AGBL1: variants seen among roughly 807,000 people sequenced by gnomAD.
The protein encoded by AGBL1 is AGBL carboxypeptidase 1.
AGBL1 carries 130 observed loss-of-function variants against 118.9 expected under a neutral mutation model. The ratio of observed to expected loss-of-function variants is 1.09; its 90% CI spans 0.95 to 1.26. The LOEUF (loss-of-function observed/expected upper bound fraction) is 1.26. Among genes scored for constraint, AGBL1 ranks in the 50% most tolerant of loss-of-function variants. The pLI is 0.00. For missense variants in AGBL1, 1,584 were observed against 1,298.1 expected (o/e 1.22, Z -3.38); for synonymous variants, 555 against 478.9 (o/e 1.16, Z -2.08).
chr15:86,438,614 T>A (rs1189479170), intron 18 of AGBL1, among the ~76,000 whole-genome samples: 2 of 151,968 alleles, frequency 1.3e-5, no homozygotes, highest in Admixed American at 1.3e-4. Flanking sequence ...ATCCTAAAAA[T>A]TTATCTACTT....
At chr15:86,799,982 C>T (rs1011711265) in intron 22 of AGBL1, among the ~76,000 whole-genome samples, 3 of 152,132 alleles carry the variant, frequency 2.0e-5, no homozygotes, top group East Asian at 3.9e-4. Context: ...TTCTGGAACC[C>T]GGGCTTCTCA....
At chr15:86,414,051 C>A (rs543133473) in intron 18 of AGBL1, among the ~76,000 whole-genome samples, 1 of 152,130 alleles carries the variant, frequency 6.6e-6, no homozygotes, top group Non-Finnish European at 1.5e-5. Context: ...AGGCCATTAT[C>A]TTAAGTGAAA....
chr15:86,198,691 T>C (rs1426101886), intron 5 of AGBL1, among the ~76,000 whole-genome samples: 1 of 152,042 alleles, frequency 6.6e-6, no homozygotes, highest in Non-Finnish European at 1.5e-5. Context: ...TTTCTGTGTG[T>C]GTGTATGTGT....
chr15:86,470,233 C>T lies in AGBL1; in HGVS notation c.2556-52577C>T, dbSNP rs189409598. Among the ~76,000 whole-genome samples, 332 of 152,214 alleles carry T rather than the reference C, an allele frequency of 2.2e-3. 1 individual carries two copies. The highest frequency in any genetic ancestry group is 3.5e-3 in the Non-Finnish European group (236 of 67,988). On this transcript the variant is annotated intron_variant, in intron 18 of 22. Coordinates refer to ENST00000614907, the MANE Select transcript of AGBL1 (RefSeq NM_001386094.1). Reference sequence around the variant, plus strand: ...TGGATTTTAAGTGATTAATTTATTTCGAATTGACTTTGTATATAATGTGAG... The same window carrying T: ...TGGATTTTAAGTGATTAATTTATTTTGAATTGACTTTGTATATAATGTGAG...
chr15:86,793,174 A>G (rs976531898), intron 22 of AGBL1, among the ~76,000 whole-genome samples: 2 of 152,214 alleles, frequency 1.3e-5, no homozygotes, highest in Admixed American at 1.3e-4. Flanking sequence ...ACTATCATTC[A>G]TCCATCTGCC....
At chr15:86,638,279 A>C (rs771328251) in intron 21 of AGBL1, among the ~76,000 whole-genome samples, 1 of 152,214 alleles carries the variant, frequency 6.6e-6, no homozygotes, top group Non-Finnish European at 1.5e-5. Context: ...GTGCCTTTAA[A>C]ATGTCTTCAT....
At chr15:86,260,206 T>G (rs1289015928) in intron 9 of AGBL1, among the ~76,000 whole-genome samples, 1 of 152,158 alleles carries the variant, frequency 6.6e-6, no homozygotes, top group African/African-American at 2.4e-5. Context: ...CCAGCAGCAT[T>G]TGCTGCCAGA....
At chr15:86,417,164 T>C (rs1200970024) in intron 18 of AGBL1, among the ~76,000 whole-genome samples, 2 of 152,252 alleles carry the variant, frequency 1.3e-5, no homozygotes, top group African/African-American at 4.8e-5. Flanking sequence ...TTTCCTCTCA[T>C]GTGAACTTAT....
chr15:86,750,420 A>G (rs2077832333), intron 22 of AGBL1, among the ~76,000 whole-genome samples: 3 of 152,130 alleles, frequency 2.0e-5, no homozygotes, highest in South Asian at 2.1e-4. Context: ...TCTGTATAAC[A>G]ATAACACCGA....
intron 17 of AGBL1, among the ~76,000 whole-genome samples, chr15:86,361,475 G>T (rs1270222142): frequency 6.6e-6 from 1 of 152,052 alleles, no homozygotes; most frequent in Non-Finnish European, 1.5e-5. Context: ...AGTCCGTAGA[G>T]CTGTTCAGTT....
At chr15:86,974,613 T>A (rs1216584981) in intron 23 of AGBL1, among the ~76,000 whole-genome samples, 1 of 142,266 alleles carries the variant, frequency 7.0e-6, no homozygotes, top group Non-Finnish European at 1.5e-5. Context: ...ATAATATAAA[T>A]TATATATATT....
intron 3 of AGBL1, among the ~76,000 whole-genome samples, chr15:86,152,887 C>T (rs903964373): frequency 1.3e-5 from 2 of 152,212 alleles, no homozygotes; most frequent in Non-Finnish European, 2.9e-5. Context: ...GACATTTATG[C>T]AGCCAACAGA....
chr15:86,946,426 A>G (rs1465663525), intron 23 of AGBL1: 1 of 152,140 alleles, frequency 6.6e-6, no homozygotes, highest in Non-Finnish European at 1.5e-5. Context: ...TAGTTTATAT[A>G]GTATATATAA....
At chr15:86,406,422 T>C in intron 18 of AGBL1, among the ~76,000 whole-genome samples, 1 of 152,274 alleles carries the variant, frequency 6.6e-6, no homozygotes, top group East Asian at 1.9e-4. Flanking sequence ...AAAATGATTT[T>C]ATTGTTTCCA....
chr15:86,247,096 G>A (rs1283352340), intron 6 of AGBL1, among the ~76,000 whole-genome samples: 1 of 152,088 alleles, frequency 6.6e-6, no homozygotes, highest in Non-Finnish European at 1.5e-5. Flanking sequence ...ATCAAAATCT[G>A]AAAATAAACA....
At chr15:86,750,819 TG>T (rs2077839186) in intron 22 of AGBL1, among the ~76,000 whole-genome samples, 1 of 122,434 alleles carries the variant, frequency 8.2e-6, no homozygotes, top group South Asian at 2.6e-4. Flanking sequence ...GGCCCCAGCG[TG>T]TGTGTTGTTC....
intron 23 of AGBL1, among the ~76,000 whole-genome samples, chr15:86,959,993 T>G (rs982450166): frequency 6.6e-6 from 1 of 152,116 alleles, no homozygotes; most frequent in African/African-American, 2.4e-5. Context: ...GCCCACCAAC[T>G]CTTTTAAGGT....
chr15:86,939,925 A>C (rs918924166), intron 23 of AGBL1, among the ~76,000 whole-genome samples: 3 of 151,650 alleles, frequency 2.0e-5, no homozygotes, highest in African/African-American at 7.3e-5. Flanking sequence ...ACAGGGTCTT[A>C]CACTGGCCCA....
chr15:86,099,995 A>G (rs1304273681), intron 1 of AGBL1, among the ~76,000 whole-genome samples: 1 of 151,774 alleles, frequency 6.6e-6, no homozygotes. Flanking sequence ...ATTAAGTTGA[A>G]GTGTTTCTTC....
Sources: gnomAD v4.1 joint callset for allele counts (sites outside exome capture counted in the v4.1 genomes callset) on GRCh38, gnomAD v4.1.1 for gene constraint, MANE v1.5 for transcripts, NCBI Gene and HGNC (gene_info 2026-07-23, HGNC 2026-07-21) for gene names.